The following GFRA2 variants were observed in gnomAD, a reference collection of about 807,000 sequenced individuals.
GFRA2 encodes the protein GDNF family receptor alpha-2.
GFRA2 carries 17 observed loss-of-function variants against 48.3 expected under a neutral mutation model. The ratio of observed to expected loss-of-function variants is 0.35; its 90% confidence interval spans 0.24 to 0.53. The LOEUF (loss-of-function observed/expected upper bound fraction) is 0.53, where lower values mean the gene tolerates loss of function less well. GFRA2 is among the 20% of genes least tolerant of loss of function. The probability of loss-of-function intolerance (pLI) is 0.93; values close to 1 mark genes in which losing one functional copy is unlikely to be tolerated. For synonymous variants in GFRA2, 305 were observed against 257.2 expected, an observed-to-expected ratio of 1.19 and a Z score of -1.78; for missense variants, 660 against 637.3, an observed-to-expected ratio of 1.04 and a Z score of -0.38.
chr8:21,728,340 T>G (rs1200045567), intron 4 of GFRA2, among the ~76,000 whole-genome samples: 2 of 143,044 alleles, frequency 1.4e-5, no homozygotes, highest in African/African-American at 5.2e-5. Context: ...AGTGGTGTGA[T>G]CTTAGCTCAC....
rs985550000 is a variant in GFRA2 at position 21,807,279 on chromosome 8, G to A, written c.-147-2151C>T. On this transcript the variant is annotated intron_variant, in intron 1 of 10. Transcript: ENST00000517328. ...GTGGGTTTGTTACATAAGTAAGTTC[G>A]GCCACCTCTTGCTGTCTTGCTCACT... Among the ~76,000 whole-genome samples, 21 of 152,184 alleles carry A rather than the reference G, an allele frequency of 1.4e-4. No individual in the cohort carries two copies. The East Asian group carries it at 2.3e-3, about 17-fold the overall frequency.
chr8:21,760,513 T>C (rs1381104975), intron 3 of GFRA2, among the ~76,000 whole-genome samples: 3 of 152,170 alleles, frequency 2.0e-5, no homozygotes, highest in Admixed American at 6.5e-5. Context: ...TAGATGGAGA[T>C]ATCATTTCAC....
intron 4 of GFRA2, among the ~76,000 whole-genome samples, chr8:21,722,348 A>G (rs1219511555): frequency 6.6e-6 from 1 of 152,220 alleles, no homozygotes; most frequent in Non-Finnish European, 1.5e-5. Context: ...ACTGGAGCAT[A>G]TAAGACCAGA....
chr8:21,766,565 T>G (rs1356766285), intron 3 of GFRA2, among the ~76,000 whole-genome samples: 1 of 151,604 alleles, frequency 6.6e-6, no homozygotes, highest in Non-Finnish European at 1.5e-5. Context: ...ACGAACCAAG[T>G]GCAGTCCACA....
Position 21,788,177 on chromosome 8 carries a change from GT to G in GFRA2, c.-19del. On this transcript the variant is annotated 5_prime_UTR_variant, in exon 1 of 9. Coordinates refer to ENST00000524240, the MANE Select transcript of GFRA2 (RefSeq NM_001495.5). ...AAGATCATGTTAAATAAATCCCACC[GT>G]TTTTTTGTCTTTCTCCCTTGGGTAA... 9 of 1,593,590 alleles carry G rather than the reference GT, an allele frequency of 5.6e-6. No individual in the cohort carries two copies. The highest frequency in any genetic ancestry group is 2.2e-5 in the South Asian group (2 of 89,010).
intron 4 of GFRA2, among the ~76,000 whole-genome samples, chr8:21,717,953 A>G (rs1031392472): frequency 2.0e-5 from 3 of 152,208 alleles, no homozygotes; most frequent in Non-Finnish European, 4.4e-5. Context: ...TCCAATTTCT[A>G]AAGTCACATT....
chr8:21,714,086 A>G (rs2117412082), intron 4 of GFRA2, among the ~76,000 whole-genome samples: 1 of 152,280 alleles, frequency 6.6e-6, no homozygotes, highest in Middle Eastern at 3.4e-3. Context: ...GGTCTTCACC[A>G]ACAGGAAGTA....
At chr8:21,710,680 C>T (rs1011042077) in intron 4 of GFRA2, among the ~76,000 whole-genome samples, 9 of 152,234 alleles carry the variant, frequency 5.9e-5, no homozygotes, top group African/African-American at 2.2e-4. Context: ...TTATGACCTA[C>T]TTCTTTCAAA....
At chr8:21,756,879 G>C (rs939932085) in intron 3 of GFRA2, among the ~76,000 whole-genome samples, 2 of 152,190 alleles carry the variant, frequency 1.3e-5, no homozygotes, top group African/African-American at 4.8e-5. Flanking sequence ...TGGCCCTGGA[G>C]AGCCTGAACT....
At chr8:21,696,171 T>C (rs545431718) in intron 7 of GFRA2, among the ~76,000 whole-genome samples, 238 of 75,918 alleles carry the variant, frequency 3.1e-3, no homozygotes, top group African/African-American at 0.012. Flanking sequence ...CCTTTCCCTC[T>C]TTCTCCCCTC....
chr8:21,810,434 G>A (rs981353150), intron 1 of GFRA2, among the ~76,000 whole-genome samples: 1 of 152,294 alleles, frequency 6.6e-6, no homozygotes, highest in South Asian at 2.1e-4. Context: ...TCCTTCCTGG[G>A]CTTTTGCTGC....
At chr8:21,704,454 G>A (rs1007419699) in intron 6 of GFRA2, among the ~76,000 whole-genome samples, 3 of 152,196 alleles carry the variant, frequency 2.0e-5, no homozygotes, top group Admixed American at 6.5e-5. Flanking sequence ...GGAACAGAAG[G>A]ATGGAGAGAT....
chr8:21,760,506 A>C (rs1462980197), intron 3 of GFRA2, among the ~76,000 whole-genome samples: 1 of 152,226 alleles, frequency 6.6e-6, no homozygotes, highest in African/African-American at 2.4e-5. Context: ...CACCAAGTAG[A>C]TGGAGATATC....
chr8:21,730,882 G>GAT (rs1804154535), intron 4 of GFRA2, among the ~76,000 whole-genome samples: 2 of 152,136 alleles, frequency 1.3e-5, no homozygotes, highest in Non-Finnish European at 2.9e-5. Context: ...CAGAATTTGA[G>GAT]ATAAGTATTA....
chr8:21,698,925 G>A (rs1352815430), intron 7 of GFRA2, among the ~76,000 whole-genome samples: 1 of 152,156 alleles, frequency 6.6e-6, no homozygotes, highest in Admixed American at 6.5e-5. Context: ...TTCTTTTCAG[G>A]CCTAGCAGCA....
intron 1 of GFRA2, among the ~76,000 whole-genome samples, chr8:21,809,971 C>T (rs1807947492): frequency 6.6e-6 from 1 of 152,172 alleles, no homozygotes; most frequent in African/African-American, 2.4e-5. Context: ...GTTGCTTCTC[C>T]TACAGTCCTG....
At chr8:21,698,980 C>G (rs373685849) in intron 7 of GFRA2, among the ~76,000 whole-genome samples, 2 of 152,310 alleles carry the variant, frequency 1.3e-5, no homozygotes, top group African/African-American at 4.8e-5. Flanking sequence ...TCCCAGTCAA[C>G]GCACTCTCTC....
chr8:21,780,194 C>A (rs1247222446), intron 2 of GFRA2, among the ~76,000 whole-genome samples: 1 of 152,096 alleles, frequency 6.6e-6, no homozygotes, highest in Non-Finnish European at 1.5e-5. Flanking sequence ...AGGCTCCTCC[C>A]TCCAGCAGGA....
chr8:21,705,230 T>C, intron 5 of GFRA2, 105 bp from the exon 6 acceptor site: 1 of 1,138,752 alleles, frequency 8.8e-7, no homozygotes, highest in Non-Finnish European at 1.2e-6. Context: ...GTGGTACCCA[T>C]CCTCTGACCT....
Sources: gnomAD v4.1 joint callset for allele counts (sites outside exome capture counted in the v4.1 genomes callset) on GRCh38, gnomAD v4.1.1 for gene constraint, MANE v1.5 for transcripts, NCBI Gene and HGNC (gene_info 2026-07-23, HGNC 2026-07-21) for gene names.